Variants in ZNF808 observed in about 807,000 individuals in gnomAD.
The protein encoded by ZNF808 is zinc finger protein 808.
ZNF808 carries 5 observed loss-of-function variants against 8.7 expected under a neutral mutation model. The observed-to-expected ratio is 0.58, with a 90% confidence interval of 0.30 to 1.21. The LOEUF (loss-of-function observed/expected upper bound fraction) is 1.21, where lower values mean the gene tolerates loss of function less well. ZNF808 is among the 50% of genes most tolerant of loss of function. The pLI is 0.07. For missense variants in ZNF808, 1,103 were observed against 1,098.4 expected (o/e 1.00, Z -0.06); for synonymous variants, 380 against 366.0 (o/e 1.04, Z -0.44).
downstream of ZNF808, among the ~76,000 whole-genome samples, chr19:52,558,010 G>T (rs956173803): frequency 4.5e-5 from 6 of 132,010 alleles, no homozygotes; most frequent in African/African-American, 1.7e-4. Context: ...TGCGCGTCTA[G>T]GTGTGGCTTT....
intron 1 of ZNF808, among the ~76,000 whole-genome samples, chr19:52,531,430 G>A (rs1344157289): frequency 9.2e-5 from 14 of 151,418 alleles, no homozygotes; most frequent in Admixed American, 6.6e-5. Flanking sequence ...AGCCAAGATC[G>A]CGCCATTGCA....
In ZNF808 at chr19:52,553,872, A is replaced by C; in HGVS notation, c.956A>C (p.Glu319Ala). The C allele has an allele frequency of 1.9e-6, 3 of 1,614,138 alleles. No homozygotes were observed. Among genetic ancestry groups the C allele is most frequent in the Non-Finnish European group, 2.5e-6 (3 of 1,180,024 alleles). The change falls in exon 5 of 5, where the codon GAG (glutamate) becomes GCG (alanine). Residue 319 changes from glutamate to alanine, a missense_variant. Glu to Ala is a moderately radical substitution (Grantham distance 107, BLOSUM62 -1). Transcript: ENST00000359798. ...HTGVKPYKCN[E>A]CGKVFRQNSA... is the part of the protein sequence containing the mutation. ...GGAGTAAAACCTTACAAGTGTAATG[A>C]GTGTGGCAAGGTCTTTCGTCAAAAT...
intron 1 of ZNF808, among the ~76,000 whole-genome samples, chr19:52,530,532 A>G (rs1299278874): frequency 6.6e-6 from 1 of 152,120 alleles, no homozygotes; most frequent in Admixed American, 6.5e-5. Flanking sequence ...GCATGGTGGC[A>G]GATGCCTGTA....
At chr19:52,552,414 T>A (rs950687512) in intron 4 of ZNF808, among the ~76,000 whole-genome samples, 39 of 149,306 alleles carry the variant, frequency 2.6e-4, no homozygotes, top group African/African-American at 9.4e-4. Flanking sequence ...CTTTTTTCTT[T>A]TTTTTTTTTT....
At chr19:52,566,859 A>G (rs1477253341), downstream of ZNF808, among the ~76,000 whole-genome samples, 1 of 152,156 alleles carries the variant, frequency 6.6e-6, no homozygotes, top group Non-Finnish European at 1.5e-5. Context: ...ACATAAACAC[A>G]ATGTCCAGAT....
chr19:52,553,196 C>T lies in ZNF808; in HGVS notation c.280C>T (p.Gln94Ter), dbSNP rs762832245. 2.5e-6 allele frequency: 4 copies of T among 1,613,716 alleles called. No individual in the cohort carries two copies. Among genetic ancestry groups the T allele is most frequent in the Non-Finnish European group, 3.4e-6 (4 of 1,179,878 alleles). ...VIHTGTLQRHQSYHIGDFCFQ... is the reference protein window; with the variant it reads ...VIHTGTLQRH ...CCACACAGGGACATTGCAAAGACAT[C>T]AAAGTTATCACATTGGAGACTTTTG... Residue 94 changes from glutamine (Q) to a stop codon, truncating the protein, a stop_gained, in exon 5 of 5, where the codon CAA (glutamine) becomes TAA (stop). Transcript: ENST00000359798. LOFTEE classifies it low-confidence loss of function (END_TRUNC).
chr19:52,558,439 T>C (rs1317807687), downstream of ZNF808, among the ~76,000 whole-genome samples: 2 of 151,222 alleles, frequency 1.3e-5, no homozygotes, highest in African/African-American at 2.4e-5. Context: ...TGGTGTGATC[T>C]CGGCTCACTG....
chr19:52,547,739 G>GTTTT (rs1300723717), intron 4 of ZNF808, 101 bp downstream of exon 4: 118 of 1,011,294 alleles, frequency 1.2e-4, no homozygotes, highest in African/African-American at 8.5e-4. Context: ...ATCCATGCTG[G>GTTTT]TTTTTTTTTT....
chr19:52,561,877 A>G (rs1034548110), intron 3 of ZNF808, among the ~76,000 whole-genome samples: 13 of 152,188 alleles, frequency 8.5e-5, no homozygotes, highest in Non-Finnish European at 1.8e-4. Flanking sequence ...AATTAATGCT[A>G]TTAGATGGCT....
downstream of ZNF808, among the ~76,000 whole-genome samples, chr19:52,568,200 C>T (rs1164591316): frequency 6.6e-6 from 1 of 152,224 alleles, no homozygotes; most frequent in Non-Finnish European, 1.5e-5. Flanking sequence ...GGGGAAACCC[C>T]GTCTCTACTG....
intron 3 of ZNF808, among the ~76,000 whole-genome samples, chr19:52,562,722 G>A (rs2059861918): frequency 6.6e-6 from 1 of 151,962 alleles, no homozygotes; most frequent in South Asian, 2.1e-4. Context: ...TTGCCTGGCT[G>A]TTATATAACT....
downstream of ZNF808, among the ~76,000 whole-genome samples, chr19:52,568,541 TATCACTCC>T (rs1288586239): frequency 3.3e-5 from 5 of 152,180 alleles, no homozygotes; most frequent in East Asian, 5.8e-4. Flanking sequence ...CCTTGAAGTG[TATCACTCC>T]ATCACCAGTC....
At chr19:52,536,393 TTCGGCCCC>T (rs2059611750) in intron 2 of ZNF808, among the ~76,000 whole-genome samples, 1 of 152,078 alleles carries the variant, frequency 6.6e-6, no homozygotes, top group Non-Finnish European at 1.5e-5. Context: ...CCTCTCCGTC[TTCGGCCCC>T]TGGAGCGAAG....
intron 2 of ZNF808, among the ~76,000 whole-genome samples, chr19:52,539,262 T>G (rs915741626): frequency 6.7e-6 from 1 of 149,924 alleles, no homozygotes; most frequent in African/African-American, 2.5e-5. Context: ...GGAGCAGTCT[T>G]GACTCACTGC....
chr19:52,548,403 C>T (rs977909940), intron 4 of ZNF808, among the ~76,000 whole-genome samples: 2 of 152,140 alleles, frequency 1.3e-5, no homozygotes, highest in African/African-American at 4.8e-5. Flanking sequence ...AGACACAGTG[C>T]CTTTCAACTT....
rs73586738 is a variant in ZNF808 at position 52,536,508 on chromosome 19, C to T, written c.-20+3499C>T. ...CTTAAGGCGCCGTCGCCCCCTACATCCCCCCTCGTGGTGGGCCCTGCTGCT... is the reference window on the plus strand; with the variant it reads ...CTTAAGGCGCCGTCGCCCCCTACATTCCCCCTCGTGGTGGGCCCTGCTGCT... On this transcript the variant is annotated intron_variant, in intron 2 of 4. Coordinates refer to ENST00000359798, the MANE Select transcript of ZNF808 (RefSeq NM_001039886.4). Among the ~76,000 whole-genome samples, 746 of 152,192 alleles carry T rather than the reference C, an allele frequency of 4.9e-3. 5 individuals carry two copies. Among genetic ancestry groups the T allele is most frequent in the African/African-American group, 0.017 (696 of 41,536 alleles).
Position 52,547,574 on chromosome 19 carries a change from C to A in ZNF808, c.126C>A (p.Asn42Lys). The change falls in exon 4 of 5, where the codon AAC becomes AAA. Residue 42 changes from asparagine to lysine, a missense_variant. Coordinates refer to ENST00000359798, the MANE Select transcript of ZNF808 (RefSeq NM_001039886.4). ...EFSLAEWKFL[N>K]PAQRALYREV... ...CATTGGCAGAGTGGAAATTCCTGAACCCTGCACAGAGGGCTTTGTACAGGG... is the reference window on the plus strand; with the variant it reads ...CATTGGCAGAGTGGAAATTCCTGAAACCTGCACAGAGGGCTTTGTACAGGG... The A allele has an allele frequency of 6.2e-7, 1 of 1,614,032 alleles. No individual in the cohort carries two copies. Among genetic ancestry groups the A allele is most frequent in the Non-Finnish European group, 8.5e-7 (1 of 1,179,996 alleles).
chr19:52,534,172 G>T (rs1169874221), intron 2 of ZNF808, among the ~76,000 whole-genome samples: 1 of 152,088 alleles, frequency 6.6e-6, no homozygotes, highest in African/African-American at 2.4e-5. Flanking sequence ...AAAATAGAGA[G>T]AAATTACAGG....
At chr19:52,544,448 A>C (rs1325870765) in intron 3 of ZNF808, among the ~76,000 whole-genome samples, 1 of 152,016 alleles carries the variant, frequency 6.6e-6, no homozygotes, top group East Asian at 1.9e-4. Flanking sequence ...CTTCTGCCTC[A>C]GCCTACCAAG....
Sources: allele counts gnomAD v4.1 joint callset (sites outside exome capture counted in the v4.1 genomes callset), GRCh38; gene constraint gnomAD v4.1.1; transcripts MANE v1.5; gene names NCBI Gene and HGNC (gene_info 2026-07-23, HGNC 2026-07-21).